APBA2: variants seen among roughly 807,000 people sequenced by gnomAD.
The protein encoded by APBA2 is amyloid-beta A4 precursor protein-binding family A member 2.
APBA2 carries 30 observed loss-of-function variants against 75.0 expected under a neutral mutation model. That is an observed-to-expected ratio of 0.40 (90% CI 0.30 to 0.54). The LOEUF is 0.54. APBA2 is among the 20% of genes least tolerant of loss of function. The pLI is 0.49. For synonymous variants in APBA2, 444 were observed against 409.6 expected, an observed-to-expected ratio of 1.08 and a Z score of -1.01; for missense variants, 801 against 1,016.1, an observed-to-expected ratio of 0.79 and a Z score of 2.88.
chr15:29,102,109 T>A, intron 10 of APBA2: 1 of 475,492 alleles, frequency 2.1e-6, no homozygotes, highest in Admixed American at 3.5e-5. Context: ...ACTTTTGTTA[T>A]TAAAATGCAA....
At position 28,958,101 on chromosome 15, in the gene APBA2, ACT is replaced by A. The variant is rs371561708; in HGVS notation, c.-95+36357_-95+36358del. Among the ~76,000 whole-genome samples, 7 of 152,214 alleles carry A rather than the reference ACT, an allele frequency of 4.6e-5. 1 individual carries two copies. Among genetic ancestry groups the A allele is most frequent in the African/African-American group, 9.6e-5 (4 of 41,520 alleles). On this transcript the variant is annotated intron_variant, in intron 2 of 14. Transcript: ENST00000683413. Reference sequence around the variant, plus strand: ...GCTCCTGGGAACATGAGAGGATTGCACTCTCTGCTTTCTCAAAGTTAGATAAG... The same window carrying A: ...GCTCCTGGGAACATGAGAGGATTGCACTCTGCTTTCTCAAAGTTAGATAAG...
At chr15:29,018,671 G>A (rs1432977673) in intron 3 of APBA2, among the ~76,000 whole-genome samples, 1 of 152,286 alleles carries the variant, frequency 6.6e-6, no homozygotes, top group Non-Finnish European at 1.5e-5. Flanking sequence ...AGGTAACTTG[G>A]CTCTTGGGCT....
chr15:28,915,200 A>AC (rs2033627343), intron 1 of APBA2, among the ~76,000 whole-genome samples: 33 of 35,380 alleles, frequency 9.3e-4, no homozygotes, highest in East Asian at 2.6e-3. Flanking sequence ...CACACACCAC[A>AC]CACATAGCGC....
chr15:29,067,143 G>C (rs1210715933), intron 4 of APBA2, among the ~76,000 whole-genome samples: 3 of 152,102 alleles, frequency 2.0e-5, no homozygotes, highest in Non-Finnish European at 4.4e-5. Flanking sequence ...CTACCAAGGG[G>C]ATGGCCCACA....
At chr15:29,004,910 T>A (rs935030046) in intron 3 of APBA2, among the ~76,000 whole-genome samples, 1 of 152,132 alleles carries the variant, frequency 6.6e-6, no homozygotes, top group Non-Finnish European at 1.5e-5. Flanking sequence ...AAACTCCTGA[T>A]CTCAGGTGAT....
At chr15:28,914,054 T>A (rs1342845876) in intron 1 of APBA2, among the ~76,000 whole-genome samples, 1 of 152,222 alleles carries the variant, frequency 6.6e-6, no homozygotes, top group Non-Finnish European at 1.5e-5. Context: ...ATTGGGTTTT[T>A]AAAAAATATT....
chr15:28,945,617 C>A (rs2035502040), intron 2 of APBA2, among the ~76,000 whole-genome samples: 1 of 151,274 alleles, frequency 6.6e-6, no homozygotes. Context: ...CTCCCAAGTT[C>A]AAGCGATTCT....
At chr15:29,083,732 T>C (rs58092553) in intron 6 of APBA2, among the ~76,000 whole-genome samples, 5,417 of 152,226 alleles carry the variant, frequency 0.036, 211 homozygotes, top group African/African-American at 0.093. Flanking sequence ...GGTTTTGCCA[T>C]GTTGGTCAAG....
intron 6 of APBA2, among the ~76,000 whole-genome samples, chr15:29,083,889 G>A (rs924847759): frequency 5.9e-5 from 9 of 152,114 alleles, no homozygotes; most frequent in Non-Finnish European, 8.8e-5. Context: ...CCATTTAGGG[G>A]AAAAAATGTC....
At chr15:29,002,588 A>T (rs1204320093) in intron 3 of APBA2, among the ~76,000 whole-genome samples, 2 of 151,976 alleles carry the variant, frequency 1.3e-5, no homozygotes, top group Non-Finnish European at 2.9e-5. Flanking sequence ...GGCTGCAGGG[A>T]GAGACCACCA....
chr15:28,992,808 C>A (rs1245586198), intron 2 of APBA2, among the ~76,000 whole-genome samples: 1 of 152,204 alleles, frequency 6.6e-6, no homozygotes, highest in Non-Finnish European at 1.5e-5. Flanking sequence ...AGCTCCCAAT[C>A]CTCCAAACAA....
chr15:29,108,135 G>A, intron 12 of APBA2, 135 bp from the exon 13 acceptor site: 8 of 1,311,884 alleles, frequency 6.1e-6, no homozygotes, highest in Non-Finnish European at 8.6e-6. Flanking sequence ...TACCGAGGCT[G>A]AGAGGGGACT....
At chr15:29,037,801 A>G (rs1027844758) in intron 3 of APBA2, among the ~76,000 whole-genome samples, 1 of 152,190 alleles carries the variant, frequency 6.6e-6, no homozygotes, top group African/African-American at 2.4e-5. Flanking sequence ...GCCTCATAAC[A>G]TGGTGGAAGG....
At chr15:28,905,143 G>A (rs2033074029) in intron 1 of APBA2, among the ~76,000 whole-genome samples, 1 of 152,194 alleles carries the variant, frequency 6.6e-6, no homozygotes, top group Non-Finnish European at 1.5e-5. Flanking sequence ...TTGGCCTGGT[G>A]TCCCGGAGCT....
In APBA2 at chr15:28,897,296, C is replaced by T. The variant is rs555475063; in HGVS notation, c.-205+11018C>T. Among the ~76,000 whole-genome samples the T allele has an allele frequency of 2.1e-4, 32 of 152,066 alleles. 1 individual carries two copies. Among genetic ancestry groups the T allele is most frequent in the African/African-American group, 7.0e-4 (29 of 41,468 alleles). On this transcript the variant is annotated intron_variant, in intron 1 of 14. Transcript: ENST00000683413. ...GAATTGTAAATGGGACACCATTCCA[C>T]ACCCACCAGAATGGCTAACATCAAA...
At chr15:28,886,792 T>C (rs185559062) in intron 1 of APBA2, among the ~76,000 whole-genome samples, 39 of 152,276 alleles carry the variant, frequency 2.6e-4, no homozygotes, top group Admixed American at 2.2e-3. Context: ...AGGGGAAAAC[T>C]TATCAATTCA....
intron 2 of APBA2, among the ~76,000 whole-genome samples, chr15:28,945,937 G>A (rs1201962869): frequency 1.3e-5 from 2 of 152,218 alleles, no homozygotes; most frequent in Non-Finnish European, 2.9e-5. Context: ...AGTGTATGAG[G>A]GTTCCGCCTC....
At chr15:29,101,358 T>C (rs552654340) in intron 9 of APBA2, among the ~76,000 whole-genome samples, 25 of 152,152 alleles carry the variant, frequency 1.6e-4, no homozygotes, top group Admixed American at 1.3e-3. Flanking sequence ...GCCTCCTGAG[T>C]ATCTGGGATT....
intron 3 of APBA2, among the ~76,000 whole-genome samples, chr15:29,049,460 G>C (rs538085110): frequency 3.9e-5 from 6 of 152,306 alleles, no homozygotes; most frequent in African/African-American, 1.4e-4. Context: ...GCTAGGGACA[G>C]GTGCAGCACA....
Sources: allele counts gnomAD v4.1 joint callset (sites outside exome capture counted in the v4.1 genomes callset), GRCh38; gene constraint gnomAD v4.1.1; transcripts MANE v1.5; gene names NCBI Gene and HGNC (gene_info 2026-07-23, HGNC 2026-07-21).